Variants in PUDP observed in about 807,000 individuals in gnomAD.
PUDP encodes the protein pseudouridine-5'-phosphatase.
PUDP carries 8 observed loss-of-function variants against 9.4 expected under a neutral mutation model. The ratio of observed to expected loss-of-function variants is 0.85; its 90% CI spans 0.50 to 1.53. The LOEUF (loss-of-function observed/expected upper bound fraction) is 1.53. Ranked by LOEUF, PUDP falls within the 40% of genes most tolerant of loss-of-function variation. The pLI is 0.00. For missense variants in PUDP, 188 were observed against 189.7 expected (o/e 0.99, Z 0.05); for synonymous variants, 99 against 80.7 (o/e 1.23, Z -1.22).
chrX:6,807,267 C>T (rs747879106), intron 3 of PUDP, among the ~76,000 whole-genome samples: 1 of 112,008 alleles, frequency 8.9e-6, no homozygotes, highest in Admixed American at 9.4e-5. Flanking sequence ...GTGGAGTAAT[C>T]CGATATCCAG....
At chrX:6,919,749 C>T (rs902637849) in intron 3 of PUDP, among the ~76,000 whole-genome samples, 69 of 104,477 alleles carry the variant, frequency 6.6e-4, no homozygotes, top group African/African-American at 2.4e-3. Flanking sequence ...GTTAGCCGGG[C>T]GTGGGAGGCT....
intron 3 of PUDP, among the ~76,000 whole-genome samples, chrX:6,920,636 T>A (rs1928007424): frequency 9.0e-6 from 1 of 111,584 alleles, no homozygotes; most frequent in Admixed American, 9.5e-5. Flanking sequence ...CTCACCTACC[T>A]GTGACTTGGA....
chrX:7,100,140 C>T (rs1931690613), intron 2 of PUDP, among the ~76,000 whole-genome samples: 2 of 85,609 alleles, frequency 2.3e-5, no homozygotes, highest in Non-Finnish European at 4.5e-5. Context: ...ACTGATTCCT[C>T]GGTGATTGGC....
At chrX:6,947,033 C>T (rs1928477844) in intron 3 of PUDP, among the ~76,000 whole-genome samples, 1 of 104,917 alleles carries the variant, frequency 9.5e-6, no homozygotes, top group Non-Finnish European at 1.9e-5. Context: ...CAGGGTCTCA[C>T]TCTATTGCCC....
At chrX:6,810,822 C>T (rs1305851428) in intron 3 of PUDP, among the ~76,000 whole-genome samples, 1 of 111,786 alleles carries the variant, frequency 8.9e-6, no homozygotes, top group Non-Finnish European at 1.9e-5. Flanking sequence ...CAAACTCAGA[C>T]AGCTATTGAA....
intron 3 of PUDP, among the ~76,000 whole-genome samples, chrX:6,966,087 A>T (rs1928780105): frequency 9.0e-6 from 1 of 111,538 alleles, no homozygotes; most frequent in South Asian, 3.7e-4. Flanking sequence ...GGTCCCACAG[A>T]ATCAGAATCT....
intron 3 of PUDP, among the ~76,000 whole-genome samples, chrX:6,756,721 T>C (rs1174719397): frequency 8.9e-6 from 1 of 112,538 alleles, no homozygotes; most frequent in Non-Finnish European, 1.9e-5. Context: ...CTTTAAAAAA[T>C]GATTTTGTTT....
chrX:7,109,191 G>T (rs746308184), intron 1 of PUDP, among the ~76,000 whole-genome samples: 1 of 112,004 alleles, frequency 8.9e-6, no homozygotes, highest in African/African-American at 3.2e-5. Flanking sequence ...AGGCATGAGC[G>T]CTCCTTTTAT....
intron 3 of PUDP, among the ~76,000 whole-genome samples, chrX:6,799,824 G>A (rs764866644): frequency 1.1e-3 from 119 of 110,582 alleles, no homozygotes; most frequent in African/African-American, 3.7e-3. Context: ...CAACAAGAGC[G>A]AAACTCTGTC....
At chrX:6,952,860 G>A (rs895029739) in intron 3 of PUDP, among the ~76,000 whole-genome samples, 1 of 111,803 alleles carries the variant, frequency 8.9e-6, no homozygotes, top group Non-Finnish European at 1.9e-5. Context: ...CCAGCCTCCA[G>A]AACTGTGAAC....
At chrX:6,828,624 T>C (rs764289523) in intron 3 of PUDP, among the ~76,000 whole-genome samples, 60 of 111,358 alleles carry the variant, frequency 5.4e-4, no homozygotes, top group African/African-American at 1.9e-3. Flanking sequence ...TTTGGGCAAA[T>C]GTATCATGAC....
In PUDP at chrX:6,900,768, G is replaced by T. The variant is rs781678876; in HGVS notation, c.*247+76365C>A. On this transcript the variant is annotated intron_variant and NMD_transcript_variant, in intron 3 of 3. Transcript: ENST00000655425. ...GCATACCAGATGACCAATTTTTTTTGTTTTTTTGTTTTGTTTTGTTTTGTT... is the reference window on the plus strand; with the variant it reads ...GCATACCAGATGACCAATTTTTTTTTTTTTTTTGTTTTGTTTTGTTTTGTT... Among the ~76,000 whole-genome samples, 3 of 106,775 alleles carry T rather than the reference G, an allele frequency of 2.8e-5. No homozygotes were observed. In the Admixed American group the frequency reaches 3.1e-4, roughly 11 times the overall value. 92.7% of individuals were successfully genotyped at this position (106,775 alleles called of 115,157 possible).
intron 1 of PUDP, among the ~76,000 whole-genome samples, chrX:6,985,203 T>C (rs1929087951): frequency 8.9e-6 from 1 of 112,026 alleles, no homozygotes; most frequent in African/African-American, 3.2e-5. Flanking sequence ...AATTACAAAG[T>C]TTTCCAGAGC....
chrX:7,057,023 A>T (rs1358921810), intron 3 of PUDP, among the ~76,000 whole-genome samples: 1 of 112,087 alleles, frequency 8.9e-6, no homozygotes, highest in Non-Finnish European at 1.9e-5. Context: ...ATTTCCAACG[A>T]CAAGGGAGGT....
chrX:6,911,549 T>G (rs1252216856), intron 3 of PUDP, among the ~76,000 whole-genome samples: 6 of 112,295 alleles, frequency 5.3e-5, no homozygotes, highest in Non-Finnish European at 1.1e-4. Context: ...ATTACTTTAC[T>G]GGCCTTTCTT....
chrX:6,760,521 C>T (rs1400780888), intron 3 of PUDP, among the ~76,000 whole-genome samples: 2 of 112,009 alleles, frequency 1.8e-5, no homozygotes, highest in Non-Finnish European at 3.8e-5. Context: ...CATCTGTACT[C>T]AGGTGGTAGT....
chrX:7,033,215 C>T (rs780486060), intron 1 of PUDP, among the ~76,000 whole-genome samples: 2 of 111,312 alleles, frequency 1.8e-5, no homozygotes, highest in African/African-American at 3.3e-5. Flanking sequence ...TGTTGGCTTC[C>T]CTACTTTTGA....
intron 3 of PUDP, chrX:7,057,670 G>A: frequency 8.7e-7 from 1 of 1,147,163 alleles, no homozygotes; most frequent in Non-Finnish European, 1.2e-6. Flanking sequence ...GAAGGCTCGG[G>A]GTCTCCATGC....
At chrX:6,877,143 A>C (rs2146737211) in intron 3 of PUDP, among the ~76,000 whole-genome samples, 1 of 109,584 alleles carries the variant, frequency 9.1e-6, no homozygotes, top group Admixed American at 9.8e-5. Flanking sequence ...TTTTTTGAAG[A>C]GAGAGGGGTC....
Sources: gnomAD v4.1 joint callset for allele counts (sites outside exome capture counted in the v4.1 genomes callset) on GRCh38, gnomAD v4.1.1 for gene constraint, MANE v1.5 for transcripts, NCBI Gene and HGNC (gene_info 2026-07-23, HGNC 2026-07-21) for gene names.